The following RNF145 variants were observed in gnomAD, a reference collection of about 807,000 sequenced individuals.
RNF145 encodes ring finger protein 145.
RNF145 carries 12 observed loss-of-function variants against 57.3 expected under a neutral mutation model. That is an observed-to-expected ratio of 0.21 (90% CI 0.13 to 0.34). The LOEUF is 0.34. RNF145 is among the 10% of genes least tolerant of loss of function. The pLI, the probability that RNF145 is intolerant of heterozygous loss-of-function variation, is 1.00. For missense variants in RNF145, 429 were observed against 799.0 expected, an observed-to-expected ratio of 0.54 and a Z score of 5.58; for synonymous variants, 262 against 288.3, an observed-to-expected ratio of 0.91 and a Z score of 0.92.
Position 159,182,843 on chromosome 5 carries a change from G to T in RNF145, c.294-792C>A, listed in dbSNP as rs569034443. Among the ~76,000 whole-genome samples the T allele has an allele frequency of 2.9e-3, 435 of 152,194 alleles. 1 individual carries two copies. Among genetic ancestry groups the T allele is most frequent in the African/African-American group, 9.6e-3 (400 of 41,540 alleles). On this transcript the variant is annotated intron_variant, in intron 3 of 10. Transcript: ENST00000424310. ...GTATTTTTGGCATCAAAGAAGGGAAGTTTGTGTAAAAAAATTCTTCCCTTT... is the reference window on the plus strand; with the variant it reads ...GTATTTTTGGCATCAAAGAAGGGAATTTTGTGTAAAAAAATTCTTCCCTTT...
intron 3 of RNF145, 79 bp downstream of exon 3, chr5:159,194,637 T>C (rs997247026): frequency 2.2e-6 from 2 of 900,042 alleles, no homozygotes; most frequent in Admixed American, 1.9e-5. Flanking sequence ...TACTTAACAG[T>C]GTTCATGAAA....
chr5:159,197,614 T>C (rs1235247438), intron 2 of RNF145, among the ~76,000 whole-genome samples: 1 of 152,232 alleles, frequency 6.6e-6, no homozygotes, highest in Non-Finnish European at 1.5e-5. Context: ...CTACGATGTA[T>C]ATATAATCTA....
chr5:159,185,926 G>C (rs1024378259), intron 3 of RNF145, among the ~76,000 whole-genome samples: 1 of 152,240 alleles, frequency 6.6e-6, no homozygotes, highest in South Asian at 2.1e-4. Context: ...GAATGTACAA[G>C]ATCTATGAAA....
rs916710087 is a variant in RNF145, at chr5:159,207,688, T to C, written c.-40+1543A>G. 1.9e-6 allele frequency: 3 copies of C among 1,613,216 alleles called. No homozygotes were observed. The South Asian group carries it at 3.3e-5, about 18-fold the overall frequency. On this transcript the variant is annotated intron_variant, in intron 1 of 10. Coordinates refer to ENST00000424310, the MANE Select transcript of RNF145 (RefSeq NM_001199383.2). Reference sequence around the variant, plus strand: ...GAGAACGCATTTCTTACATAAGCAATGGCACATGTTTTAAATATAGCTGGT... The same window carrying C: ...GAGAACGCATTTCTTACATAAGCAACGGCACATGTTTTAAATATAGCTGGT...
At chr5:159,194,124 A>G (rs1266684176) in intron 3 of RNF145, among the ~76,000 whole-genome samples, 1 of 152,260 alleles carries the variant, frequency 6.6e-6, no homozygotes, top group Non-Finnish European at 1.5e-5. Flanking sequence ...TCAACCTTAC[A>G]AGATAATGTA....
At chr5:159,177,126 G>T (rs984739770) in intron 4 of RNF145, among the ~76,000 whole-genome samples, 2 of 152,054 alleles carry the variant, frequency 1.3e-5, no homozygotes, top group Admixed American at 1.3e-4. Flanking sequence ...CGTCTGTGAT[G>T]CCATGTGTAA....
At chr5:159,160,828 A>G (rs2113071542) in intron 10 of RNF145, among the ~76,000 whole-genome samples, 1 of 152,300 alleles carries the variant, frequency 6.6e-6, no homozygotes, top group South Asian at 2.1e-4. Flanking sequence ...AGGTGGGCAC[A>G]TATTCTCTCT....
Position 159,169,787 on chromosome 5 carries a change from A to G in RNF145, c.830T>C (p.Leu277Pro). Residue 277 changes from leucine (L) to proline (P), a missense_variant, in exon 7 of 11, where the codon CTT becomes CCT. Leu to Pro is a moderately conservative substitution (Grantham distance 98, BLOSUM62 -3). This residue lies in a region of RNF145 where 216 missense variants were observed against 457.6 expected (regional missense o/e 0.47). Transcript: ENST00000424310. The stretch of plus-strand genomic sequence containing the variant: ...AGAAACCGTGAAGACCAAACCCAAA[A>G]GAGAGTAAGGAGTGCTGCAGCATTC... ...IAECCSTPYS[L>P]LGLVFTVSFV... is the part of the protein sequence containing the mutation. 1 of 1,613,178 alleles carries G rather than the reference A, an allele frequency of 6.2e-7. No homozygotes were observed. The highest frequency in any genetic ancestry group is 8.5e-7 in the Non-Finnish European group (1 of 1,179,574).
chr5:159,198,664 T>C (rs1410126851), intron 2 of RNF145, among the ~76,000 whole-genome samples: 7 of 152,224 alleles, frequency 4.6e-5, no homozygotes, highest in South Asian at 4.1e-4. Context: ...AGTTCAGTGA[T>C]TGACAACAAA....
chr5:159,204,450 A>G (rs1785793820), intron 1 of RNF145, among the ~76,000 whole-genome samples: 1 of 152,120 alleles, frequency 6.6e-6, no homozygotes, highest in Non-Finnish European at 1.5e-5. Flanking sequence ...ATTTAAAGGG[A>G]CAATTCAATG....
At position 159,161,489 on chromosome 5, in the gene RNF145, C is replaced by T. The variant is rs988702595; in HGVS notation, c.1403G>A (p.Cys468Tyr). ...YRLLEFLVAL[C>Y]VVAYGVSETI... is the part of the protein sequence containing the mutation. ...CTCTGAGACGCCATAGGCCACCACACAGAGGGCCACAAGAAACTCCAGCAG... is the reference window on the plus strand; with the variant it reads ...CTCTGAGACGCCATAGGCCACCACATAGAGGGCCACAAGAAACTCCAGCAG... The change falls in exon 10 of 11, where the codon TGT (cysteine) becomes TAT (tyrosine). Residue 468 changes from cysteine (C) to tyrosine (Y), a missense_variant. Around this residue, in one of 4 missense-constraint regions of RNF145, gnomAD observed 216 missense variants for 457.6 expected, o/e 0.47. Coordinates refer to ENST00000424310, the MANE Select transcript of RNF145 (RefSeq NM_001199383.2). The T allele has an allele frequency of 3.1e-6, 5 of 1,613,994 alleles. No individual in the cohort carries two copies. Among genetic ancestry groups the T allele is most frequent in the Non-Finnish European group, 4.2e-6 (5 of 1,180,000 alleles).
chr5:159,189,796 T>C (rs940773857), intron 3 of RNF145, among the ~76,000 whole-genome samples: 2 of 152,338 alleles, frequency 1.3e-5, no homozygotes, highest in Admixed American at 1.3e-4. Flanking sequence ...TGCTGCAACA[T>C]GCATGAATCT....
chr5:159,187,198 C>T (rs1415802178), intron 3 of RNF145, among the ~76,000 whole-genome samples: 4 of 151,634 alleles, frequency 2.6e-5, no homozygotes, highest in African/African-American at 9.7e-5. Flanking sequence ...AGGAGAATCA[C>T]TTGAACCCAG....
intron 3 of RNF145, among the ~76,000 whole-genome samples, chr5:159,185,084 C>T (rs1785015454): frequency 6.6e-6 from 1 of 152,220 alleles, no homozygotes; most frequent in African/African-American, 2.4e-5. Context: ...TATCATTCAT[C>T]ATAGCCTCAA....
chr5:159,209,980 G>T, upstream of RNF145: 1 of 1,388,356 alleles, frequency 7.2e-7, no homozygotes, highest in Non-Finnish European at 9.9e-7. Flanking sequence ...TTGGCGTCTG[G>T]GATGGCTCAG....
In RNF145 at chr5:159,176,777, C is replaced by G; in HGVS notation, c.476G>C (p.Arg159Pro). 6.2e-7 allele frequency: 1 copy of G among 1,612,510 alleles called. No individual in the cohort carries two copies. Among genetic ancestry groups the G allele is most frequent in the Non-Finnish European group, 8.5e-7 (1 of 1,178,986 alleles). ...FSAHMLPLLA[R>P]LCLVPLETIV... is the part of the protein sequence containing the mutation. Reference sequence around the variant, plus strand: ...TGTCTCCAAAGGAACAAGGCAGAGTCGTGCTAGCAGAGGAAGCATGTGAGC... The same window carrying G: ...TGTCTCCAAAGGAACAAGGCAGAGTGGTGCTAGCAGAGGAAGCATGTGAGC... The change falls in exon 5 of 11, where the codon CGA (arginine) becomes CCA (proline). Residue 159 changes from arginine (R) to proline (P), a missense_variant. Coordinates refer to ENST00000424310, the MANE Select transcript of RNF145 (RefSeq NM_001199383.2).
chr5:159,209,757 G>T, upstream of RNF145: 1 of 1,277,796 alleles, frequency 7.8e-7, no homozygotes, highest in South Asian at 1.3e-5. Flanking sequence ...GTACTGCAGA[G>T]ACACCTGGAC....
chr5:159,206,901 G>A (rs1199197432), intron 1 of RNF145, among the ~76,000 whole-genome samples: 2 of 151,152 alleles, frequency 1.3e-5, no homozygotes, highest in Admixed American at 1.3e-4. Context: ...GTGTCTGCAG[G>A]TAACATAAAC....
chr5:159,182,497 C>T, intron 3 of RNF145, among the ~76,000 whole-genome samples: 1 of 151,970 alleles, frequency 6.6e-6, no homozygotes, highest in Non-Finnish European at 1.5e-5. Flanking sequence ...TTATTAGTCC[C>T]AAGTAGAACC....
Sources: allele counts gnomAD v4.1 joint callset (sites outside exome capture counted in the v4.1 genomes callset), GRCh38; gene constraint gnomAD v4.1.1; regional missense constraint gnomAD v4.1.1; transcripts MANE v1.5; gene names NCBI Gene and HGNC (gene_info 2026-07-23, HGNC 2026-07-21).